CAPS2: variants seen among roughly 807,000 people sequenced by gnomAD.
CAPS2 encodes the protein calcyphosin-2.
In CAPS2, 98 loss-of-function variants were observed where a neutral mutation model predicts 86.5. That is an observed-to-expected ratio of 1.13 (90% CI 0.96 to 1.34). The LOEUF (loss-of-function observed/expected upper bound fraction) is 1.34, where lower values mean the gene tolerates loss of function less well. CAPS2 is among the 40% of genes most tolerant of loss of function. CAPS2 has a pLI of 0.00. For missense variants in CAPS2, 729 were observed against 686.8 expected (o/e 1.06, Z -0.69); for synonymous variants, 210 against 225.1 (o/e 0.93, Z 0.60).
intron 1 of CAPS2, among the ~76,000 whole-genome samples, chr12:75,385,161 GC>G (rs1484041765): frequency 6.6e-6 from 1 of 152,048 alleles, no homozygotes; most frequent in Non-Finnish European, 1.5e-5. Flanking sequence ...ACCAAACGCA[GC>G]CCCTCAACCT....
At chr12:75,291,564 A>T (rs2035910656) in intron 13 of CAPS2, among the ~76,000 whole-genome samples, 180 bp downstream of exon 13, 3 of 65,038 alleles carry the variant, frequency 4.6e-5, no homozygotes, top group Non-Finnish European at 8.3e-5. Flanking sequence ...CTTATTTTTA[A>T]AAGTATATAT....
At chr12:75,356,026 G>T (rs1181119625) in intron 1 of CAPS2, among the ~76,000 whole-genome samples, 1 of 152,118 alleles carries the variant, frequency 6.6e-6, no homozygotes, top group Non-Finnish European at 1.5e-5. Context: ...GCTAACGCAT[G>T]CTGGGCTTAA....
intron 5 of CAPS2, among the ~76,000 whole-genome samples, chr12:75,320,422 T>A (rs866007367): frequency 1.3e-5 from 2 of 152,276 alleles, no homozygotes; most frequent in Non-Finnish European, 2.9e-5. Flanking sequence ...TAAAAGGTTA[T>A]GAAATTATTT....
chr12:75,316,558 G>A, intron 5 of CAPS2, 124 bp from the exon 6 acceptor site: 1 of 909,670 alleles, frequency 1.1e-6, no homozygotes. Context: ...TAAAAGTACA[G>A]GCTCTGAAAA....
At chr12:75,322,214 G>A (rs1030172515) in intron 4 of CAPS2, among the ~76,000 whole-genome samples, 3 of 152,098 alleles carry the variant, frequency 2.0e-5, no homozygotes, top group South Asian at 2.1e-4. Flanking sequence ...TACAGTGACC[G>A]AAATATTATT....
chr12:75,299,056 C>A, intron 9 of CAPS2, 90 bp from the exon 10 acceptor site: 1 of 820,668 alleles, frequency 1.2e-6, no homozygotes, highest in Non-Finnish European at 1.9e-6. Flanking sequence ...AGAAGGATAG[C>A]TAACTCTCTT....
At chr12:75,341,221 A>T (rs2042082897) in intron 1 of CAPS2, among the ~76,000 whole-genome samples, 1 of 152,182 alleles carries the variant, frequency 6.6e-6, no homozygotes, top group South Asian at 2.1e-4. Context: ...GACTCTATAC[A>T]TGTTTGTAAT....
chr12:75,290,733 T>C (rs1276142012), intron 13 of CAPS2, among the ~76,000 whole-genome samples: 1 of 151,770 alleles, frequency 6.6e-6, no homozygotes. Context: ...CTGGAGAACA[T>C]AGCAAGACCC....
At chr12:75,357,777 C>CA (rs2043248395) in intron 1 of CAPS2, among the ~76,000 whole-genome samples, 2 of 150,864 alleles carry the variant, frequency 1.3e-5, no homozygotes, top group Admixed American at 6.6e-5. Context: ...AAGAATAACT[C>CA]AAAAAAGAAG....
In CAPS2 at chr12:75,360,480, C is replaced by T. The variant is rs117374660; in HGVS notation, c.-395+30358G>A. ...AGAGAAATTGGCCAAAACAAAGGGG[C>T]TATAGGCCCTGCACAAGTCCAAAAT... On this transcript the variant is annotated intron_variant, in intron 1 of 5. Transcript: ENST00000551829. 24 of 152,242 alleles carry T rather than the reference C, an allele frequency of 1.6e-4. No homozygotes were observed. In the East Asian group the frequency reaches 3.9e-3, roughly 25 times the overall value. The allele number at this position is 152,242 out of a possible 1,614,324, so 9.4% of individuals were successfully genotyped here. A position where few individuals can be genotyped will look rare whatever the true frequency, so the allele number is the denominator to read the frequency against.
intron 7 of CAPS2, among the ~76,000 whole-genome samples, chr12:75,308,509 T>C (rs1179651517): frequency 1.3e-5 from 2 of 152,166 alleles, no homozygotes; most frequent in Middle Eastern, 3.2e-3. Context: ...ATCCTTTCCT[T>C]GCTTTGCTTT....
intron 1 of CAPS2, among the ~76,000 whole-genome samples, chr12:75,341,210 T>C (rs1363134649): frequency 6.6e-6 from 1 of 152,216 alleles, no homozygotes; most frequent in Non-Finnish European, 1.5e-5. Context: ...AGGAGTTTAG[T>C]GACTCTATAC....
chr12:75,367,081 C>T, intron 1 of CAPS2: 1 of 696,764 alleles, frequency 1.4e-6, no homozygotes. Flanking sequence ...GACAAGCCAA[C>T]TGAGATTAAT....
chr12:75,388,926 T>C (rs1341651845), intron 1 of CAPS2, among the ~76,000 whole-genome samples: 1 of 152,132 alleles, frequency 6.6e-6, no homozygotes, highest in Non-Finnish European at 1.5e-5. Flanking sequence ...TCCTCTCAGT[T>C]TTGTTGTGAA....
intron 8 of CAPS2, among the ~76,000 whole-genome samples, chr12:75,303,812 T>A (rs150833119): frequency 1.2e-4 from 18 of 152,234 alleles, no homozygotes; most frequent in African/African-American, 4.3e-4. Flanking sequence ...CTCACACATG[T>A]CCTTATTGGA....
intron 16 of CAPS2, 135 bp from the exon 17 acceptor site, chr12:75,279,200 T>A: frequency 2.5e-6 from 2 of 798,136 alleles, no homozygotes; most frequent in Non-Finnish European, 3.9e-6. Context: ...ACCAGCCAAT[T>A]TATTTACACA....
chr12:75,367,268 GAAAAAAAAAAAAA>G (rs35250320), intron 1 of CAPS2, among the ~76,000 whole-genome samples: 1 of 88,738 alleles, frequency 1.1e-5, no homozygotes. Flanking sequence ...TTCCTAGGAG[GAAAAAAAAAAAAA>G]AAAAAAAAAG....
intron 12 of CAPS2, among the ~76,000 whole-genome samples, chr12:75,292,643 T>C (rs2036184336): frequency 6.8e-6 from 1 of 147,192 alleles, no homozygotes; most frequent in Non-Finnish European, 1.5e-5. Context: ...TGTATAGATC[T>C]ATACATAATA....
chr12:75,334,754 GT>G, upstream of CAPS2: 1 of 1,614,012 alleles, frequency 6.2e-7, no homozygotes, highest in Non-Finnish European at 8.5e-7. Context: ...AAATTCAGTT[GT>G]TTATGGATCT....
Sources: allele counts gnomAD v4.1 joint callset (sites outside exome capture counted in the v4.1 genomes callset), GRCh38; gene constraint gnomAD v4.1.1; transcripts MANE v1.5; gene names NCBI Gene and HGNC (gene_info 2026-07-23, HGNC 2026-07-21).